ADGRV1: variants seen among roughly 807,000 people sequenced by gnomAD.
The protein encoded by ADGRV1 is G-protein coupled receptor 98.
A neutral mutation model predicts 596.2 loss-of-function variants in ADGRV1; 359 were observed. The observed-to-expected ratio is 0.60, with a 90% confidence interval of 0.55 to 0.66. The LOEUF (loss-of-function observed/expected upper bound fraction) is 0.66. Among genes scored for constraint, ADGRV1 ranks in the 30% least tolerant of loss-of-function variants. The pLI is 0.00. For synonymous variants in ADGRV1, 2,681 were observed against 2,679.2 expected, an observed-to-expected ratio of 1.00 and a Z score of -0.02; for missense variants, 7,274 against 7,575.6, an observed-to-expected ratio of 0.96 and a Z score of 1.48.
At chr5:90,924,191 C>T (rs1229950207) in intron 83 of ADGRV1, among the ~76,000 whole-genome samples, 2 of 151,752 alleles carry the variant, frequency 1.3e-5, no homozygotes, top group African/African-American at 4.9e-5. Flanking sequence ...TTCTAGATCC[C>T]TGAGGAATCA....
At chr5:90,951,234 G>A (rs903552191) in intron 83 of ADGRV1, among the ~76,000 whole-genome samples, 1 of 152,192 alleles carries the variant, frequency 6.6e-6, no homozygotes, top group African/African-American at 2.4e-5. Flanking sequence ...TTGGATTGTA[G>A]AGAGGCAATA....
At position 90,653,636 on chromosome 5, in the gene ADGRV1, C is replaced by G; in HGVS notation, c.4062C>G (p.Asn1354Lys). ...CCTCCAGGAATAATACAATTGCCAA[C>G]TTTACATTCTCAGCTTGGGTAATGC... The part of the protein sequence containing the change: ...YHPSRNNTIA[N>K]FTFSAWVMPN... The change falls in exon 20 of 90, where the codon AAC becomes AAG. Residue 1354 changes from asparagine (N) to lysine (K), a missense_variant. Physicochemically the swap from Asn to Lys is moderately conservative, Grantham distance 94 (BLOSUM62 0). This residue lies in a region of ADGRV1 where 1,715 missense variants were observed against 1,708.8 expected (regional missense o/e 1.00). Coordinates refer to ENST00000405460, the MANE Select transcript of ADGRV1 (RefSeq NM_032119.4). 6.2e-7 allele frequency: 1 copy of G among 1,613,486 alleles called. No individual in the cohort carries two copies. Among genetic ancestry groups the G allele is most frequent in the Non-Finnish European group, 8.5e-7 (1 of 1,179,708 alleles).
At chr5:90,919,110 C>G (rs1327570594) in intron 83 of ADGRV1, among the ~76,000 whole-genome samples, 1 of 152,188 alleles carries the variant, frequency 6.6e-6, no homozygotes, top group Non-Finnish European at 1.5e-5. Flanking sequence ...ATCCAAACTT[C>G]TTTTTCTAGT....
chr5:91,149,230 G>A (rs1160221253), intron 87 of ADGRV1, among the ~76,000 whole-genome samples: 2 of 152,172 alleles, frequency 1.3e-5, no homozygotes, highest in Non-Finnish European at 1.5e-5. Flanking sequence ...GCCCAGGGGC[G>A]GAATGATATG....
intron 82 of ADGRV1, among the ~76,000 whole-genome samples, chr5:90,857,810 T>C (rs6875513): frequency 0.022 from 3,312 of 152,280 alleles, 135 homozygotes; most frequent in African/African-American, 0.076. Context: ...ATATTCTTTA[T>C]ATATCTTATA....
intron 21 of ADGRV1, among the ~76,000 whole-genome samples, chr5:90,669,303 A>C (rs961233493): frequency 3.3e-5 from 5 of 152,268 alleles, no homozygotes; most frequent in Admixed American, 2.6e-4. Context: ...TCTTCTGTCC[A>C]ACATCTTAAG....
At chr5:90,966,795 T>C (rs12523094) in intron 84 of ADGRV1, among the ~76,000 whole-genome samples, 77,702 of 152,016 alleles carry the variant, frequency 0.51, 21,361 homozygotes, top group African/African-American at 0.71. Context: ...GAGAGGAGGA[T>C]GGTGCGTAGT....
intron 85 of ADGRV1, among the ~76,000 whole-genome samples, chr5:91,014,804 C>A (rs28768190): frequency 1.3e-5 from 2 of 151,458 alleles, no homozygotes; most frequent in Admixed American, 6.6e-5. Flanking sequence ...ATCTAACTAG[C>A]GGCCTATATA....
At chr5:90,823,631 T>TAAAG in intron 76 of ADGRV1, 35 bp downstream of exon 76, 1 of 1,548,256 alleles carries the variant, frequency 6.5e-7, no homozygotes, top group Non-Finnish European at 8.9e-7. Context: ...TGTCAACTTC[T>TAAAG]AATTATATTT....
intron 85 of ADGRV1, among the ~76,000 whole-genome samples, chr5:91,063,395 A>G (rs1214430463): frequency 1.3e-5 from 2 of 152,316 alleles, no homozygotes; most frequent in Non-Finnish European, 1.5e-5. Flanking sequence ...TGTCTAGTAT[A>G]TGGATTTTGG....
At chr5:90,646,993 T>C (rs987234946) in intron 16 of ADGRV1, among the ~76,000 whole-genome samples, 2 of 152,186 alleles carry the variant, frequency 1.3e-5, no homozygotes, top group East Asian at 3.9e-4. Context: ...AGGATGGTCT[T>C]GATCTCTTGA....
intron 85 of ADGRV1, among the ~76,000 whole-genome samples, chr5:91,062,157 C>T (rs1056160380): frequency 6.6e-6 from 1 of 152,184 alleles, no homozygotes; most frequent in Non-Finnish European, 1.5e-5. Flanking sequence ...TTCTTCTTCT[C>T]TCCCCTTTTC....
At chr5:91,153,447 T>G in intron 89 of ADGRV1, 49 bp downstream of exon 89, 1 of 1,343,122 alleles carries the variant, frequency 7.4e-7, no homozygotes, top group Non-Finnish European at 1.0e-6. Context: ...TCTTGCTATG[T>G]TACAATTTAT....
chr5:90,753,966 T>C (rs1381482138), intron 54 of ADGRV1, 137 bp downstream of exon 54: 4 of 789,108 alleles, frequency 5.1e-6, no homozygotes, highest in African/African-American at 1.7e-5. Context: ...ATCCTTTTTG[T>C]TTATTGTTGT....
intron 85 of ADGRV1, among the ~76,000 whole-genome samples, chr5:91,055,776 G>A (rs1422425165): frequency 6.6e-6 from 1 of 152,206 alleles, no homozygotes; most frequent in East Asian, 1.9e-4. Flanking sequence ...TGTTCTATGT[G>A]ACAACAGGCA....
At chr5:90,978,587 T>G (rs933712448) in intron 84 of ADGRV1, among the ~76,000 whole-genome samples, 2 of 152,104 alleles carry the variant, frequency 1.3e-5, no homozygotes, top group Non-Finnish European at 2.9e-5. Context: ...GAATAGAATG[T>G]TCCTAATGCA....
intron 83 of ADGRV1, among the ~76,000 whole-genome samples, chr5:90,954,169 CTTTT>C (rs70973717): frequency 7.2e-6 from 1 of 138,422 alleles, no homozygotes; most frequent in Admixed American, 7.3e-5. Flanking sequence ...CCCAGCCTTG[CTTTT>C]TTTTTTTTTT....
chr5:91,003,249 G>T (rs980177730), intron 85 of ADGRV1, among the ~76,000 whole-genome samples: 1 of 152,240 alleles, frequency 6.6e-6, no homozygotes, highest in Admixed American at 6.5e-5. Flanking sequence ...GAAATCCTGC[G>T]CCTTTTAATT....
At chr5:90,680,426 G>A (rs1389911884) in intron 26 of ADGRV1, among the ~76,000 whole-genome samples, 1 of 151,964 alleles carries the variant, frequency 6.6e-6, no homozygotes, top group Non-Finnish European at 1.5e-5. Flanking sequence ...AGGATAGTTG[G>A]CAATTATTGA....
Sources: allele counts gnomAD v4.1 joint callset (sites outside exome capture counted in the v4.1 genomes callset), GRCh38; gene constraint gnomAD v4.1.1; regional missense constraint gnomAD v4.1.1; transcripts MANE v1.5; gene names NCBI Gene and HGNC (gene_info 2026-07-23, HGNC 2026-07-21).